Variants in NAA15 observed in about 807,000 individuals in gnomAD.
The protein encoded by NAA15 is N-terminal acetyltransferase.
A neutral mutation model predicts 114.0 loss-of-function variants in NAA15; 34 were observed. That is an observed-to-expected ratio of 0.30 (90% CI 0.23 to 0.40). The LOEUF is 0.40. NAA15 is among the 10% of genes least tolerant of loss of function. The pLI, the probability that NAA15 is intolerant of heterozygous loss-of-function variation, is 1.00. For synonymous variants in NAA15, 340 were observed against 338.0 expected (o/e 1.01, Z -0.06); for missense variants, 658 against 1,004.5 (o/e 0.66, Z 4.66).
intron 1 of NAA15, among the ~76,000 whole-genome samples, chr4:139,330,322 A>C (rs1746959728): frequency 1.3e-5 from 2 of 152,190 alleles, no homozygotes; most frequent in Non-Finnish European, 2.9e-5. Flanking sequence ...CTGCTAAGTA[A>C]ATGGGAACAC....
chr4:139,301,910 G>T, intron 1 of NAA15, 79 bp downstream of exon 1: 1 of 1,477,504 alleles, frequency 6.8e-7, no homozygotes, highest in Non-Finnish European at 9.2e-7. Flanking sequence ...TCGGCCCGGC[G>T]GGCACTGAGC....
intron 1 of NAA15, among the ~76,000 whole-genome samples, chr4:139,326,492 G>T (rs1746803479): frequency 6.6e-6 from 1 of 152,070 alleles, no homozygotes; most frequent in African/African-American, 2.4e-5. Context: ...GATTCTTTTT[G>T]ATACTCAGCA....
chr4:139,339,441 G>A (rs924299082), intron 3 of NAA15, among the ~76,000 whole-genome samples: 2 of 152,212 alleles, frequency 1.3e-5, no homozygotes, highest in Non-Finnish European at 2.9e-5. Flanking sequence ...AGGCTACAGT[G>A]AGCTATGAGT....
At chr4:139,362,348 C>T (rs975457971) in intron 14 of NAA15, among the ~76,000 whole-genome samples, 6 of 152,108 alleles carry the variant, frequency 3.9e-5, no homozygotes, top group South Asian at 2.1e-4. Context: ...TGCATGATCT[C>T]GGATCACTGC....
At chr4:139,323,960 A>G (rs1236418994) in intron 1 of NAA15, among the ~76,000 whole-genome samples, 1 of 152,148 alleles carries the variant, frequency 6.6e-6, no homozygotes, top group African/African-American at 2.4e-5. Context: ...GCTATAGTGC[A>G]GCAGCCTTGT....
intron 1 of NAA15, among the ~76,000 whole-genome samples, chr4:139,331,761 G>A (rs1033967536): frequency 1.3e-5 from 2 of 151,646 alleles, no homozygotes; most frequent in Non-Finnish European, 2.9e-5. Context: ...TATCATGCCC[G>A]GCCATATCAC....
rs1472672962 is a variant in NAA15, at chr4:139,358,171, TTTTG to T, written c.1257+624_1257+627del. ...AAATTAAGTAATATTTAAGAAGTTT[TTTTG>T]TTTGTTTTTGTTTTTGTTTTTTTTT... On this transcript the variant is annotated intron_variant, in intron 11 of 19. Transcript: ENST00000296543. Among the ~76,000 whole-genome samples, 11 of 147,920 alleles carry T rather than the reference TTTTG, an allele frequency of 7.4e-5. 1 individual carries two copies. The highest frequency in any genetic ancestry group is 2.0e-4 in the East Asian group (1 of 5,104).
rs376564416 is a variant in NAA15 at position 139,388,130 on chromosome 4, A to T, written c.*46A>T. ...GGAATGACTTTGGACCATATCTAGT[A>T]TATAATATTTTTGTCACGCACCTGC... On this transcript the variant is annotated 3_prime_UTR_variant, in exon 20 of 20. Transcript: ENST00000296543. 5.2e-6 allele frequency: 8 copies of T among 1,551,774 alleles called. No homozygotes were observed. Among genetic ancestry groups the T allele is most frequent in the Non-Finnish European group, 7.1e-6 (8 of 1,132,500 alleles).
At chr4:139,339,162 A>C (rs947041312) in intron 3 of NAA15, among the ~76,000 whole-genome samples, 1 of 152,172 alleles carries the variant, frequency 6.6e-6, no homozygotes, top group Admixed American at 6.5e-5. Flanking sequence ...GTTTCTGGAA[A>C]GGGAAGTGGA....
chr4:139,367,337 T>A lies in NAA15; in HGVS notation c.1754-2874T>A, dbSNP rs190804449. ...TGAGTTCCTGGTTCCACTTTCTGAATTACCCTTTTTTTCTTTTGGAAGTTA... is the reference window on the plus strand; with the variant it reads ...TGAGTTCCTGGTTCCACTTTCTGAAATACCCTTTTTTTCTTTTGGAAGTTA... On this transcript the variant is annotated intron_variant, in intron 14 of 19. Transcript: ENST00000296543. Among the ~76,000 whole-genome samples, 14 of 152,308 alleles carry A rather than the reference T, an allele frequency of 9.2e-5. No individual in the cohort carries two copies. In the East Asian group the frequency reaches 1.2e-3, roughly 13 times the overall value.
chr4:139,342,750 A>G, intron 4 of NAA15, 76 bp from the exon 5 acceptor site: 1 of 1,432,900 alleles, frequency 7.0e-7, no homozygotes, highest in Non-Finnish European at 9.6e-7. Context: ...GCCTGGCCTA[A>G]TATGGAGATC....
At chr4:139,350,733 C>G (rs1026184) in intron 7 of NAA15, among the ~76,000 whole-genome samples, 81,928 of 152,070 alleles carry the variant, frequency 0.54, 24,362 homozygotes, top group African/African-American at 0.81. Context: ...CTAAGATAGA[C>G]GTAATTGCTG....
chr4:139,351,246 G>A lies in NAA15; in HGVS notation c.867G>A (p.Arg289=). The A allele has an allele frequency of 1.2e-6, 2 of 1,610,132 alleles. No individual in the cohort carries two copies. Among genetic ancestry groups the A allele is most frequent in the Admixed American group, 1.7e-5 (1 of 59,950 alleles). Residue 289 remains arginine (R), a synonymous_variant, in exon 8 of 20, where the codon AGG becomes AGA. Transcript: ENST00000296543. The part of the protein sequence containing the change: ...IYEEAWTKYP[R]GLVPRRLPLN... ...AGGAAGCCTGGACTAAATATCCCAG[G>A]GGACTGGTGCCAAGAAGGCTGCCGT...
chr4:139,344,081 C>T (rs1747498886), intron 5 of NAA15, 105 bp from the exon 6 acceptor site: 2 of 980,368 alleles, frequency 2.0e-6, no homozygotes, highest in Non-Finnish European at 3.0e-6. Flanking sequence ...GTTTTATCAA[C>T]CGGATGTTAT....
intron 18 of NAA15, among the ~76,000 whole-genome samples, chr4:139,385,232 C>T (rs1023215864): frequency 7.3e-6 from 1 of 137,400 alleles, no homozygotes; most frequent in Non-Finnish European, 1.5e-5. Flanking sequence ...GTCTGGGCAA[C>T]ATAATGATAC....
Position 139,370,365 on chromosome 4 carries a change from A to C in NAA15, c.1908A>C (p.Gly636=). The C allele has an allele frequency of 6.3e-7, 1 of 1,582,020 alleles. No homozygotes were observed. Among genetic ancestry groups the C allele is most frequent in the Non-Finnish European group, 8.5e-7 (1 of 1,170,394 alleles). Reference sequence around the variant, plus strand: ...AGGATGATGATGATGAGGAGATAGGAGGTCCAAAAGAAGAACTTATTCCAG... The same window carrying C: ...AGGATGATGATGATGAGGAGATAGGCGGTCCAAAAGAAGAACTTATTCCAG... ...KKKDDDDEEI[G]GPKEELIPEK... is the part of the protein sequence containing the mutation. Residue 636 remains glycine (G), a synonymous_variant, in exon 15 of 20, where the codon GGA becomes GGC. Transcript: ENST00000296543.
At chr4:139,318,848 A>T (rs950022766) in intron 1 of NAA15, among the ~76,000 whole-genome samples, 2 of 127,286 alleles carry the variant, frequency 1.6e-5, no homozygotes, top group African/African-American at 5.7e-5. Context: ...ACCCCATCTC[A>T]AAAAAAAAAA....
At chr4:139,363,944 G>A (rs1421480650) in intron 14 of NAA15, among the ~76,000 whole-genome samples, 1 of 152,180 alleles carries the variant, frequency 6.6e-6, no homozygotes, top group East Asian at 1.9e-4. Context: ...CCACTAGTGC[G>A]ATCATAGCTC....
intron 11 of NAA15, 23 bp from the exon 12 acceptor site, chr4:139,359,720 A>G (rs1305644362): frequency 5.7e-6 from 9 of 1,581,446 alleles, no homozygotes; most frequent in Non-Finnish European, 6.0e-6. Flanking sequence ...TAACTGGTTT[A>G]TTTTGCTTTT....
Sources: gnomAD v4.1 joint callset for allele counts (sites outside exome capture counted in the v4.1 genomes callset) on GRCh38, gnomAD v4.1.1 for gene constraint, MANE v1.5 for transcripts, NCBI Gene and HGNC (gene_info 2026-07-23, HGNC 2026-07-21) for gene names.